The following VDAC2 variants were observed in gnomAD, a reference collection of about 807,000 sequenced individuals.
VDAC2 encodes voltage dependent anion channel 2, also known as non-selective voltage-gated ion channel VDAC2.
VDAC2 carries 6 observed loss-of-function variants against 36.6 expected under a neutral mutation model. The observed-to-expected ratio is 0.16, with a 90% confidence interval of 0.09 to 0.32. VDAC2 has a LOEUF of 0.32. Ranked by LOEUF, VDAC2 falls within the 10% of genes least tolerant of loss-of-function variation. VDAC2 has a pLI of 1.00. For missense variants in VDAC2, 247 were observed against 346.0 expected (o/e 0.71, Z 2.27); for synonymous variants, 109 against 123.8 (o/e 0.88, Z 0.79).
At chr10:75,227,803 T>C (rs1215564715) in intron 8 of VDAC2, among the ~76,000 whole-genome samples, 1 of 151,776 alleles carries the variant, frequency 6.6e-6, no homozygotes, top group Non-Finnish European at 1.5e-5. Flanking sequence ...GCCAGGCTGG[T>C]CTTGAACTCC....
intron 8 of VDAC2, among the ~76,000 whole-genome samples, chr10:75,228,635 G>T (rs2132284253): frequency 6.6e-6 from 1 of 152,332 alleles, no homozygotes; most frequent in East Asian, 1.9e-4. Flanking sequence ...TTTGGATGTG[G>T]TTTGTGTCTG....
At chr10:75,223,954 A>C (rs925129723) in intron 8 of VDAC2, among the ~76,000 whole-genome samples, 1 of 152,218 alleles carries the variant, frequency 6.6e-6, no homozygotes. Flanking sequence ...TATGTTTTGC[A>C]CTGTACATCT....
chr10:75,228,669 T>G (rs1171468814), intron 8 of VDAC2, among the ~76,000 whole-genome samples: 3 of 152,276 alleles, frequency 2.0e-5, no homozygotes, highest in African/African-American at 4.8e-5. Flanking sequence ...TTTCTTTCTC[T>G]GGATTGGGCT....
At chr10:75,210,790 T>A (rs1281948850), upstream of VDAC2, 2 of 198,024 alleles carry the variant, frequency 1.0e-5, no homozygotes, top group Non-Finnish European at 2.0e-5. Flanking sequence ...CGGGGTCCTG[T>A]CTGGGAGAGG....
intron 4 of VDAC2, among the ~76,000 whole-genome samples, chr10:75,215,245 C>T (rs1589999824): frequency 6.6e-6 from 1 of 151,500 alleles, no homozygotes; most frequent in Admixed American, 6.6e-5. Context: ...ATTTTTTTTA[C>T]TTAAAAAATT....
intron 8 of VDAC2, among the ~76,000 whole-genome samples, chr10:75,228,772 C>T (rs1412288118): frequency 6.6e-6 from 1 of 152,164 alleles, no homozygotes; most frequent in Non-Finnish European, 1.5e-5. Context: ...TATATTGTAG[C>T]CCTCAGAATG....
chr10:75,217,235 C>T (rs1037090206), intron 4 of VDAC2, among the ~76,000 whole-genome samples: 17 of 152,096 alleles, frequency 1.1e-4, no homozygotes, highest in African/African-American at 3.1e-4. Flanking sequence ...CCAACCTGGG[C>T]GACAGAGTGA....
At chr10:75,226,165 C>T (rs1841945734) in intron 8 of VDAC2, among the ~76,000 whole-genome samples, 1 of 152,100 alleles carries the variant, frequency 6.6e-6, no homozygotes, top group Admixed American at 6.5e-5. Flanking sequence ...TGTTTGTACT[C>T]TTGTAGATAT....
At chr10:75,229,474 G>A (rs1190586635) in intron 8 of VDAC2, 170 bp from the exon 9 acceptor site, 14 of 506,556 alleles carry the variant, frequency 2.8e-5, no homozygotes, top group Non-Finnish European at 4.5e-5. Context: ...TGAGTTGAAT[G>A]GATACGAATT....
In VDAC2 at chr10:75,222,257, A is replaced by G. The variant is rs772331620; in HGVS notation, c.590A>G (p.Asp197Gly). Residue 197 changes from aspartate (D) to glycine (G), a missense_variant, in exon 8 of 10, where the codon GAT becomes GGT. Asp to Gly is a moderately conservative substitution (Grantham distance 94). Transcript: ENST00000332211. The part of the protein sequence containing the change: ...GDFQLHTNVN[D>G]GTEFGGSIYQ... ...TAATTTAAAATATCTTATAGCAATGATGGGACAGAATTTGGAGGATCAATT... is the reference window on the plus strand; with the variant it reads ...TAATTTAAAATATCTTATAGCAATGGTGGGACAGAATTTGGAGGATCAATT... 1.2e-6 allele frequency: 2 copies of G among 1,613,444 alleles called. No individual in the cohort carries two copies. The highest frequency in any genetic ancestry group is 2.7e-5 in the African/African-American group (2 of 74,914).
At chr10:75,214,705 A>G (rs1010161669) in intron 4 of VDAC2, among the ~76,000 whole-genome samples, 1 of 152,134 alleles carries the variant, frequency 6.6e-6, no homozygotes, top group African/African-American at 2.4e-5. Flanking sequence ...TTGTATTTTT[A>G]GTAGAGCTGG....
chr10:75,214,098 T>C (rs780872440), intron 4 of VDAC2, 28 bp downstream of exon 4: 1 of 1,607,660 alleles, frequency 6.2e-7, no homozygotes, highest in South Asian at 1.1e-5. Flanking sequence ...ATAAGTTCTA[T>C]TGAACCTTTA....
intron 7 of VDAC2, among the ~76,000 whole-genome samples, chr10:75,221,394 G>A (rs1841808923): frequency 6.7e-6 from 1 of 150,040 alleles, no homozygotes; most frequent in Non-Finnish European, 1.5e-5. Flanking sequence ...TTGCTCTTTT[G>A]CGATCTCGGC....
chr10:75,230,384 A>C (rs565752616), intron 9 of VDAC2, among the ~76,000 whole-genome samples: 18 of 152,234 alleles, frequency 1.2e-4, no homozygotes, highest in Admixed American at 2.0e-4. Context: ...AACTTCACAT[A>C]CTTTTAAAAA....
intron 8 of VDAC2, among the ~76,000 whole-genome samples, chr10:75,228,844 TC>T (rs539487110): frequency 1.0e-3 from 153 of 152,354 alleles, no homozygotes; most frequent in African/African-American, 3.3e-3. Flanking sequence ...AGGCAGGTGT[TC>T]CTGGCCTCTG....
chr10:75,224,857 G>C (rs1358939089), intron 8 of VDAC2, among the ~76,000 whole-genome samples: 1 of 152,170 alleles, frequency 6.6e-6, no homozygotes, highest in African/African-American at 2.4e-5. Flanking sequence ...ATTACATTGA[G>C]AAATGTGATC....
At chr10:75,227,958 G>C (rs1842007511) in intron 8 of VDAC2, among the ~76,000 whole-genome samples, 1 of 149,364 alleles carries the variant, frequency 6.7e-6, no homozygotes, top group African/African-American at 2.5e-5. Flanking sequence ...GCAGTGGCAA[G>C]ATCTCCACTC....
intron 3 of VDAC2, among the ~76,000 whole-genome samples, chr10:75,213,819 G>A (rs1273674837): frequency 1.3e-5 from 2 of 152,182 alleles, no homozygotes; most frequent in Non-Finnish European, 1.5e-5. Context: ...AGACAAAGCA[G>A]CATAGGGATA....
intron 3 of VDAC2, among the ~76,000 whole-genome samples, chr10:75,213,087 G>GT (rs376640206): frequency 5.9e-4 from 88 of 150,398 alleles, no homozygotes; most frequent in African/African-American, 7.1e-4. Flanking sequence ...TTTTGTTTTT[G>GT]TTTTTTTTTG....
Sources: allele counts gnomAD v4.1 joint callset (sites outside exome capture counted in the v4.1 genomes callset), GRCh38; gene constraint gnomAD v4.1.1; transcripts MANE v1.5; gene names NCBI Gene and HGNC (gene_info 2026-07-23, HGNC 2026-07-21).